XYLT1: variants seen among roughly 807,000 people sequenced by gnomAD.
XYLT1 encodes the protein xylosyltransferase 1.
XYLT1 carries 36 observed loss-of-function variants against 91.3 expected under a neutral mutation model. The observed-to-expected ratio is 0.39, with a 90% CI of 0.30 to 0.52. XYLT1 has a LOEUF of 0.52. Ranked by LOEUF, XYLT1 falls within the 20% of genes least tolerant of loss-of-function variation. The probability of loss-of-function intolerance (pLI) is 0.68; values close to 1 mark genes in which losing one functional copy is unlikely to be tolerated. For synonymous variants in XYLT1, 588 were observed against 532.0 expected (o/e 1.11, Z -1.45); for missense variants, 1,242 against 1,284.5 (o/e 0.97, Z 0.51).
intron 1 of XYLT1, among the ~76,000 whole-genome samples, chr16:17,426,282 G>A (rs867143490): frequency 2.0e-5 from 3 of 151,962 alleles, no homozygotes; most frequent in Admixed American, 6.6e-5. Flanking sequence ...CATTACGGCC[G>A]GGCACGGTGG....
Position 17,235,309 on chromosome 16 carries a change from C to CTTTTT in XYLT1, c.913+23674_913+23678dup, listed in dbSNP as rs3060127. 5.1e-4 allele frequency among the ~76,000 whole-genome samples: 70 copies of CTTTTT among 138,240 alleles called. 3 individuals are homozygous for CTTTTT. The highest frequency in any genetic ancestry group is 1.3e-3 in the African/African-American group (49 of 36,848). The allele number at this position is 138,240 out of a possible 152,430, so 90.7% of individuals were successfully genotyped here. ...ACAGCCAAATCATCATCATTATCAT[C>CTTTTT]TTTTTTTTTTTTTTTTGGAGACCTA... On this transcript the variant is annotated intron_variant, in intron 3 of 11. Coordinates refer to ENST00000261381, the MANE Select transcript of XYLT1 (RefSeq NM_022166.4).
At chr16:17,272,080 AG>A (rs1333330835) in intron 2 of XYLT1, among the ~76,000 whole-genome samples, 1 of 148,486 alleles carries the variant, frequency 6.7e-6, no homozygotes, top group Non-Finnish European at 1.5e-5. Flanking sequence ...ACAGAAGAGG[AG>A]GGACACATTC....
intron 3 of XYLT1, among the ~76,000 whole-genome samples, chr16:17,203,108 T>G (rs1212898101): frequency 2.0e-5 from 3 of 152,148 alleles, no homozygotes; most frequent in Admixed American, 2.0e-4. Context: ...CAGGTCTGAT[T>G]CCAAAGATCA....
chr16:17,302,681 T>A (rs189408351), intron 2 of XYLT1, among the ~76,000 whole-genome samples: 64 of 152,332 alleles, frequency 4.2e-4, no homozygotes, highest in Non-Finnish European at 7.4e-4. Flanking sequence ...TCAGTTTTAA[T>A]TTTTGCAGTC....
chr16:17,153,938 G>T (rs1411334740), intron 6 of XYLT1, among the ~76,000 whole-genome samples: 1 of 152,134 alleles, frequency 6.6e-6, no homozygotes, highest in African/African-American at 2.4e-5. Context: ...AGTAATAAAA[G>T]AACACAGGCC....
rs550488299 is a variant in XYLT1 at position 17,192,092 on chromosome 16, CTTTTTTTTTTTT to C, written c.1289+6108_1289+6119del. Among the ~76,000 whole-genome samples the C allele has an allele frequency of 1.9e-3, 247 of 126,786 alleles. 10 individuals are homozygous for C. The East Asian group carries it at 0.044, about 23-fold the overall frequency. The allele number at this position is 126,786 out of a possible 152,430, so 83.2% of individuals were successfully genotyped here. ...TGAGGCGTGAGGTCTCTCTCTCTCTCTTTTTTTTTTTTTTTTTTTTTTTTAGATGGAGTTTCA... is the reference window on the plus strand; with the variant it reads ...TGAGGCGTGAGGTCTCTCTCTCTCTCTTTTTTTTTTTTAGATGGAGTTTCA... On this transcript the variant is annotated intron_variant, in intron 5 of 11. Transcript: ENST00000261381.
At chr16:17,391,731 G>A (rs1442638039) in intron 1 of XYLT1, among the ~76,000 whole-genome samples, 1 of 152,136 alleles carries the variant, frequency 6.6e-6, no homozygotes, top group African/African-American at 2.4e-5. Context: ...ATCTTGAATT[G>A]TAGCTCCCAT....
Position 17,141,185 on chromosome 16 carries a change from G to A in XYLT1, c.1555C>T (p.Gln519Ter). The change falls in exon 7 of 12, where the codon CAG becomes TAG. Residue 519 changes from glutamine to a stop codon, truncating the protein, a stop_gained. Coordinates refer to ENST00000261381, the MANE Select transcript of XYLT1 (RefSeq NM_022166.4). LOFTEE classifies it high-confidence loss of function. ...STDDLVTKMK[Q>*]FYSYTLLPAE... ...GGAAGCAGGGTGTAGGAGTAGAACT[G>A]TTTCATCTTGGTCACCAGATCGTCT... The A allele has an allele frequency of 6.2e-7, 1 of 1,614,222 alleles. No homozygotes were observed. The highest frequency in any genetic ancestry group is 8.5e-7 in the Non-Finnish European group (1 of 1,180,028).
intron 5 of XYLT1, among the ~76,000 whole-genome samples, chr16:17,160,366 A>T (rs1597159264): frequency 6.6e-6 from 1 of 151,430 alleles, no homozygotes; most frequent in Non-Finnish European, 1.5e-5. Flanking sequence ...CCTACTGCTC[A>T]CCCCCTCCTT....
intron 5 of XYLT1, among the ~76,000 whole-genome samples, chr16:17,191,042 GT>G (rs1456828326): frequency 6.6e-6 from 1 of 152,010 alleles, no homozygotes; most frequent in Non-Finnish European, 1.5e-5. Context: ...GTTCTGTTTT[GT>G]TTTTTTGTTT....
intron 1 of XYLT1, among the ~76,000 whole-genome samples, chr16:17,360,224 T>C (rs1330632438): frequency 2.0e-5 from 3 of 152,206 alleles, no homozygotes; most frequent in African/African-American, 4.8e-5. Flanking sequence ...CATTTGGCTA[T>C]TGTCTGAGAC....
At chr16:17,341,328 G>A (rs868001930) in intron 2 of XYLT1, among the ~76,000 whole-genome samples, 4 of 152,220 alleles carry the variant, frequency 2.6e-5, no homozygotes, top group Admixed American at 6.5e-5. Flanking sequence ...ACATCCCAGA[G>A]ACTGTGACAG....
intron 1 of XYLT1, among the ~76,000 whole-genome samples, chr16:17,359,230 T>C (rs950433826): frequency 2.1e-4 from 32 of 152,366 alleles, no homozygotes; most frequent in African/African-American, 7.0e-4. Context: ...TTTAGGGCCC[T>C]GAAGTACACA....
chr16:17,340,408 G>T (rs1460316307), intron 2 of XYLT1, among the ~76,000 whole-genome samples: 2 of 152,232 alleles, frequency 1.3e-5, no homozygotes, highest in Non-Finnish European at 2.9e-5. Context: ...ATGGGCTGGG[G>T]CCCCAAGCTC....
chr16:17,190,192 T>C (rs1023766865), intron 5 of XYLT1, among the ~76,000 whole-genome samples: 3 of 152,090 alleles, frequency 2.0e-5, no homozygotes, highest in African/African-American at 7.2e-5. Context: ...ATGATGAAAA[T>C]GTTTAGGATT....
intron 2 of XYLT1, among the ~76,000 whole-genome samples, chr16:17,261,948 T>A (rs938470142): frequency 3.3e-5 from 5 of 152,206 alleles, no homozygotes; most frequent in African/African-American, 1.2e-4. Flanking sequence ...TCCCCTTCAG[T>A]TGGTACCTAG....
chr16:17,292,692 A>G (rs558423540), intron 2 of XYLT1, among the ~76,000 whole-genome samples: 1 of 152,364 alleles, frequency 6.6e-6, no homozygotes, highest in South Asian at 2.1e-4. Context: ...GAAGCAGAGA[A>G]ATCCCTGGCA....
intron 3 of XYLT1, among the ~76,000 whole-genome samples, chr16:17,226,536 C>T (rs560632365): frequency 1.4e-4 from 22 of 152,276 alleles, no homozygotes; most frequent in African/African-American, 4.6e-4. Context: ...ACCTGTAATC[C>T]CAGCACTTTG....
intron 3 of XYLT1, among the ~76,000 whole-genome samples, chr16:17,225,294 T>C (rs1295627661): frequency 6.6e-6 from 1 of 152,102 alleles, no homozygotes; most frequent in African/African-American, 2.4e-5. Flanking sequence ...CCCTCTCCCT[T>C]TCCTCCTCCT....
Sources: allele counts gnomAD v4.1 joint callset (sites outside exome capture counted in the v4.1 genomes callset), GRCh38; gene constraint gnomAD v4.1.1; transcripts MANE v1.5; gene names NCBI Gene and HGNC (gene_info 2026-07-23, HGNC 2026-07-21).